UNC13B: variants seen among roughly 807,000 people sequenced by gnomAD.
The protein encoded by UNC13B is protein unc-13 homolog B.
Under a neutral mutation model 211.0 loss-of-function variants are expected in UNC13B, and 144 were observed. The ratio of observed to expected loss-of-function variants is 0.68; its 90% CI spans 0.60 to 0.78. The LOEUF is 0.78. Among genes scored for constraint, UNC13B ranks in the 30% least tolerant of loss-of-function variants. The pLI is 0.00. For synonymous variants in UNC13B, 709 were observed against 725.8 expected, an observed-to-expected ratio of 0.98 and a Z score of 0.37; for missense variants, 1,777 against 2,002.0, an observed-to-expected ratio of 0.89 and a Z score of 2.14.
In UNC13B at chr9:35,301,496, A is replaced by G. The variant is rs1271033328; in HGVS notation, c.2092A>G (p.Thr698Ala). ...TTTGGAGTTAAATAAAAGGGAAGGC[A>G]CTCTTGACAATTACAGTAGTAGCAT... ...CGLELNKREG[T>A]LDNYSSSIIA... Residue 698 changes from threonine (T) to alanine (A), a missense_variant, in exon 9 of 40, where the codon ACT becomes GCT. Coordinates refer to ENST00000635942, the MANE Select transcript of UNC13B (RefSeq NM_001371189.2). 6 of 398,752 alleles carry G rather than the reference A, an allele frequency of 1.5e-5. No individual in the cohort carries two copies. Among genetic ancestry groups the G allele is most frequent in the South Asian group, 2.6e-4 (2 of 7,836 alleles). 24.7% of individuals were successfully genotyped at this position (398,752 alleles called of 1,614,324 possible). A position where few individuals can be genotyped will look rare whatever the true frequency, so the allele number is the denominator to read the frequency against.
At chr9:35,255,120 T>A (rs1826798730) in intron 6 of UNC13B, among the ~76,000 whole-genome samples, 1 of 138,088 alleles carries the variant, frequency 7.2e-6, no homozygotes, top group African/African-American at 2.7e-5. Context: ...CTTAGACAGA[T>A]TCTTACTCTT....
intron 6 of UNC13B, among the ~76,000 whole-genome samples, chr9:35,255,492 A>C (rs1389392791): frequency 1.3e-5 from 2 of 152,144 alleles, no homozygotes; most frequent in African/African-American, 4.8e-5. Context: ...TATTACTCAA[A>C]TCAGTCTCCT....
At chr9:35,342,363 G>A in intron 11 of UNC13B, 2 of 985,626 alleles carry the variant, frequency 2.0e-6, no homozygotes, top group Non-Finnish European at 1.2e-6. Flanking sequence ...TACCGAGTGT[G>A]TATGACTGAC....
At chr9:35,313,689 T>C (rs1038810382) in intron 10 of UNC13B, among the ~76,000 whole-genome samples, 1 of 148,404 alleles carries the variant, frequency 6.7e-6, no homozygotes, top group Non-Finnish European at 1.5e-5. Context: ...AGGGAACAGA[T>C]GAGAAGCTAA....
intron 5 of UNC13B, among the ~76,000 whole-genome samples, chr9:35,238,422 C>T (rs1587439027): frequency 6.6e-6 from 1 of 152,098 alleles, no homozygotes; most frequent in East Asian, 1.9e-4. Flanking sequence ...TTGGATCATA[C>T]CCTATGTAAT....
At chr9:35,187,865 A>G (rs1481847305) in intron 1 of UNC13B, among the ~76,000 whole-genome samples, 1 of 152,134 alleles carries the variant, frequency 6.6e-6, no homozygotes, top group African/African-American at 2.4e-5. Context: ...GTATGAGGCC[A>G]GTTCTTCTCA....
At position 35,389,944 on chromosome 9, in the gene UNC13B, T is replaced by C. The variant is rs1835425760; in HGVS notation, c.11193T>C (p.Asp3731=). ...ITLIVSIIEE[D]KNSYTPVLNQ... is the part of the protein sequence containing the mutation. ...TCATCGTGTCAATCATAGAGGAAGATAAGAATTCCTACACACCTGTTCTGA... is the reference window on the plus strand; with the variant it reads ...TCATCGTGTCAATCATAGAGGAAGACAAGAATTCCTACACACCTGTTCTGA... The change falls in exon 25 of 40, where the codon GAT becomes GAC. Residue 3731 remains aspartate, a synonymous_variant. Coordinates refer to ENST00000635942, the MANE Select transcript of UNC13B (RefSeq NM_001371189.2). The C allele has an allele frequency of 5.6e-6, 9 of 1,614,112 alleles. No individual in the cohort carries two copies. The highest frequency in any genetic ancestry group is 7.6e-6 in the Non-Finnish European group (9 of 1,179,992).
intron 11 of UNC13B, chr9:35,341,893 C>G: frequency 1.0e-6 from 1 of 984,258 alleles, no homozygotes; most frequent in South Asian, 4.7e-5. Flanking sequence ...TGCTTTCTGC[C>G]TCAGTCTCAA....
intron 1 of UNC13B, among the ~76,000 whole-genome samples, chr9:35,167,754 A>ATTTTTTTTTTTTTTTTTT (rs765603183): frequency 8.6e-6 from 1 of 115,684 alleles, no homozygotes; most frequent in Non-Finnish European, 1.8e-5. Flanking sequence ...TGCCTGGCTA[A>ATTTTTTTTTTTTTTTTTT]TTTTTTTTTT....
chr9:35,291,897 G>A (rs1044080502), intron 7 of UNC13B, among the ~76,000 whole-genome samples: 4 of 152,092 alleles, frequency 2.6e-5, no homozygotes, highest in African/African-American at 9.7e-5. Flanking sequence ...TCTGCTATTA[G>A]GAAAGTACTC....
At chr9:35,291,244 A>T in intron 7 of UNC13B, 1 of 835,400 alleles carries the variant, frequency 1.2e-6, no homozygotes, top group Non-Finnish European at 1.9e-6. Flanking sequence ...GGAGACAATG[A>T]CCTGTGGTGG....
chr9:35,329,631 G>A (rs1279478734), intron 11 of UNC13B, among the ~76,000 whole-genome samples: 1 of 151,912 alleles, frequency 6.6e-6, no homozygotes, highest in African/African-American at 2.4e-5. Flanking sequence ...GGGACCACAG[G>A]TACATGCCAC....
intron 12 of UNC13B, among the ~76,000 whole-genome samples, chr9:35,368,064 T>A (rs543439953): frequency 3.4e-4 from 51 of 152,116 alleles, no homozygotes; most frequent in Admixed American, 1.3e-3. Flanking sequence ...TAAAAAAAAA[T>A]TTTTTTTAAC....
chr9:35,243,181 T>G, intron 5 of UNC13B, 110 bp from the exon 6 acceptor site: 1 of 1,060,084 alleles, frequency 9.4e-7, no homozygotes, highest in Non-Finnish European at 1.4e-6. Flanking sequence ...AACTTGTGCA[T>G]CACTACCACC....
chr9:35,274,273 T>C (rs989800874), intron 7 of UNC13B, among the ~76,000 whole-genome samples: 3 of 152,126 alleles, frequency 2.0e-5, no homozygotes, highest in Non-Finnish European at 4.4e-5. Context: ...GGGGTCTCAC[T>C]ATGTTGCCCA....
At chr9:35,281,678 G>A (rs1373648886) in intron 7 of UNC13B, among the ~76,000 whole-genome samples, 1 of 152,178 alleles carries the variant, frequency 6.6e-6, no homozygotes, top group Non-Finnish European at 1.5e-5. Context: ...TGACAAATGT[G>A]TGATGACACA....
intron 11 of UNC13B, among the ~76,000 whole-genome samples, chr9:35,357,472 A>T (rs1374558940): frequency 6.6e-6 from 1 of 151,694 alleles, no homozygotes; most frequent in African/African-American, 2.4e-5. Context: ...TATATTCTGG[A>T]TATAAGTCCC....
chr9:35,300,368 T>C lies in UNC13B; in HGVS notation c.964T>C (p.Tyr322His), dbSNP rs1407356828. ...QNMGYPVLYP[Y>H]KNGFVVKSGM... The stretch of plus-strand genomic sequence containing the variant: ...TATGGGGTACCCAGTTTTGTACCCC[T>C]ACAAAAATGGATTTGTGGTTAAGAG... The change falls in exon 9 of 40, where the codon TAC becomes CAC. Residue 322 changes from tyrosine to histidine, a missense_variant. By Grantham distance (83) the Tyr-to-His change is moderately conservative. Coordinates refer to ENST00000635942, the MANE Select transcript of UNC13B (RefSeq NM_001371189.2). 12 of 398,894 alleles carry C rather than the reference T, an allele frequency of 3.0e-5. No individual in the cohort carries two copies. The highest frequency in any genetic ancestry group is 5.3e-5 in the Non-Finnish European group (12 of 226,042). The allele number at this position is 398,894 out of a possible 1,614,324, so 24.7% of individuals were successfully genotyped here. A position where few individuals can be genotyped will look rare whatever the true frequency, so the allele number is the denominator to read the frequency against.
At chr9:35,399,879 A>G in intron 36 of UNC13B, 150 bp downstream of exon 36, 1 of 813,506 alleles carries the variant, frequency 1.2e-6, no homozygotes. Context: ...AGAATCAGAT[A>G]TGGTTCCTAA....
Sources: allele counts gnomAD v4.1 joint callset (sites outside exome capture counted in the v4.1 genomes callset), GRCh38; gene constraint gnomAD v4.1.1; transcripts MANE v1.5; gene names NCBI Gene and HGNC (gene_info 2026-07-23, HGNC 2026-07-21).